Variants in CTNNA2 observed in about 807,000 individuals in gnomAD.
CTNNA2 encodes the protein catenin alpha 2.
Under a neutral mutation model 101.0 loss-of-function variants are expected in CTNNA2, and 42 were observed. The observed-to-expected ratio is 0.42, with a 90% CI of 0.32 to 0.54. The LOEUF is 0.54. Among genes scored for constraint, CTNNA2 ranks in the 20% least tolerant of loss-of-function variants. The pLI is 0.14. For synonymous variants in CTNNA2, 450 were observed against 456.4 expected, an observed-to-expected ratio of 0.99 and a Z score of 0.18; for missense variants, 871 against 1,223.1, an observed-to-expected ratio of 0.71 and a Z score of 4.29.
intron 7 of CTNNA2, among the ~76,000 whole-genome samples, chr2:79,910,278 T>C (rs1685694534): frequency 6.6e-6 from 1 of 152,192 alleles, no homozygotes; most frequent in South Asian, 2.1e-4. Context: ...GTTCTAAATG[T>C]AGTAAAATTT....
At chr2:79,201,095 C>A (rs190009589) in intron 2 of CTNNA2, among the ~76,000 whole-genome samples, 20 of 152,170 alleles carry the variant, frequency 1.3e-4, no homozygotes, top group East Asian at 3.9e-4. Flanking sequence ...TTTCCCCCCC[C>A]CTTTTTTTGT....
chr2:80,101,336 G>A (rs1700528273), intron 7 of CTNNA2, among the ~76,000 whole-genome samples: 1 of 152,130 alleles, frequency 6.6e-6, no homozygotes, highest in Non-Finnish European at 1.5e-5. Context: ...GAGCCAAATT[G>A]ATAACATTGA....
At chr2:79,731,835 TTTG>T (rs1177254486) in intron 2 of CTNNA2, among the ~76,000 whole-genome samples, 1 of 5,102 alleles carries the variant, frequency 2.0e-4, no homozygotes, top group African/African-American at 1.9e-3. Flanking sequence ...CAACTTTATT[TTTG>T]TTTTTTTTTT....
chr2:79,445,747 C>T (rs1391009833), intron 4 of CTNNA2, among the ~76,000 whole-genome samples: 1 of 152,088 alleles, frequency 6.6e-6, no homozygotes, highest in Non-Finnish European at 1.5e-5. Flanking sequence ...CCCATAGCCC[C>T]TTTCACAACT....
chr2:79,667,011 AAAG>A (rs1340954936), intron 2 of CTNNA2, among the ~76,000 whole-genome samples: 3 of 152,152 alleles, frequency 2.0e-5, no homozygotes, highest in Non-Finnish European at 4.4e-5. Flanking sequence ...AAGGAGTCTG[AAAG>A]AAGAAGCAAA....
chr2:80,341,432 A>T (rs1672236559), intron 7 of CTNNA2, among the ~76,000 whole-genome samples: 1 of 152,152 alleles, frequency 6.6e-6, no homozygotes, highest in East Asian at 1.9e-4. Flanking sequence ...AAGACTAAAT[A>T]TTTTTTATTA....
chr2:79,500,919 T>A (rs892150657), intron 4 of CTNNA2: 1 of 152,226 alleles, frequency 6.6e-6, no homozygotes, highest in Admixed American at 6.5e-5. Context: ...GGGCTCTGAT[T>A]ACACCGTTTT....
chr2:80,197,938 A>G (rs1192347683), intron 7 of CTNNA2, among the ~76,000 whole-genome samples: 1 of 152,162 alleles, frequency 6.6e-6, no homozygotes, highest in Non-Finnish European at 1.5e-5. Context: ...CCAACTTACA[A>G]TGTGAATAGA....
At chr2:79,348,204 A>G (rs1677306803) in intron 3 of CTNNA2, among the ~76,000 whole-genome samples, 5 of 152,306 alleles carry the variant, frequency 3.3e-5, no homozygotes. Flanking sequence ...TCATTTTTAA[A>G]AGGACTATAT....
chr2:79,563,521 C>G (rs1674923421), intron 1 of CTNNA2, among the ~76,000 whole-genome samples: 1 of 152,080 alleles, frequency 6.6e-6, no homozygotes, highest in Non-Finnish European at 1.5e-5. Context: ...TTGCTTGTCT[C>G]TAATGGGCTG....
chr2:79,309,844 C>A (rs895547714), intron 2 of CTNNA2, among the ~76,000 whole-genome samples: 1 of 152,158 alleles, frequency 6.6e-6, no homozygotes, highest in Non-Finnish European at 1.5e-5. Context: ...TTTTAACACT[C>A]ATTTCCACAA....
intron 3 of CTNNA2, among the ~76,000 whole-genome samples, chr2:79,337,377 A>G (rs1321676410): frequency 6.6e-6 from 1 of 152,226 alleles, no homozygotes; most frequent in Non-Finnish European, 1.5e-5. Flanking sequence ...CCTTTTAAAA[A>G]TATGGGCCCA....
intron 7 of CTNNA2, among the ~76,000 whole-genome samples, chr2:80,153,447 C>T (rs1703824023): frequency 3.3e-5 from 5 of 152,184 alleles, no homozygotes; most frequent in Admixed American, 3.3e-4. Flanking sequence ...CAAAAATGCA[C>T]CCAGTGGATC....
At chr2:80,316,568 G>A (rs969634411) in intron 7 of CTNNA2, among the ~76,000 whole-genome samples, 9 of 152,140 alleles carry the variant, frequency 5.9e-5, no homozygotes, top group Non-Finnish European at 1.3e-4. Context: ...CCGGCTGCTG[G>A]TCTCCCCTAG....
rs537210330 is a variant in CTNNA2, at chr2:79,608,074, T to C, written c.-5-43478T>C. Among the ~76,000 whole-genome samples the C allele has an allele frequency of 1.3e-4, 20 of 151,846 alleles. No homozygotes were observed. In the East Asian group the frequency reaches 3.7e-3, roughly 28 times the overall value. ...AGATTCAAATTAGCAGCAGGAGGCA[T>C]GAGAGTGGTTTCATCATGAACAGGT... is the stretch of plus-strand genomic sequence containing the variant. On this transcript the variant is annotated intron_variant, in intron 1 of 18. Coordinates refer to ENST00000402739, the MANE Select transcript of CTNNA2 (RefSeq NM_001282597.3).
intron 9 of CTNNA2, among the ~76,000 whole-genome samples, chr2:80,487,803 G>A (rs1481792497): frequency 6.6e-6 from 1 of 152,162 alleles, no homozygotes; most frequent in Non-Finnish European, 1.5e-5. Context: ...TCTTCACTAT[G>A]ACCTGTGTCT....
intron 2 of CTNNA2, among the ~76,000 whole-genome samples, chr2:79,715,034 T>C (rs982656188): frequency 1.5e-5 from 1 of 67,868 alleles, no homozygotes; most frequent in Non-Finnish European, 2.9e-5. Context: ...CTACTAAAAA[T>C]ACCAAAAAAA....
chr2:79,997,157 A>G (rs1277485573), intron 7 of CTNNA2, among the ~76,000 whole-genome samples: 1 of 152,134 alleles, frequency 6.6e-6, no homozygotes, highest in Non-Finnish European at 1.5e-5. Flanking sequence ...ATCTCTGCTA[A>G]CACCCTGGTC....
intron 7 of CTNNA2, among the ~76,000 whole-genome samples, chr2:80,182,917 C>G (rs1413991118): frequency 6.6e-6 from 1 of 152,188 alleles, no homozygotes; most frequent in African/African-American, 2.4e-5. Context: ...GGCATGACAT[C>G]TGAGCACCAC....
Sources: allele counts gnomAD v4.1 joint callset (sites outside exome capture counted in the v4.1 genomes callset), GRCh38; gene constraint gnomAD v4.1.1; transcripts MANE v1.5; gene names NCBI Gene and HGNC (gene_info 2026-07-23, HGNC 2026-07-21).